HMCN1: variants seen among roughly 807,000 people sequenced by gnomAD.
HMCN1 encodes the protein hemicentin 1, also known as hemicentin-1.
A neutral mutation model predicts 625.9 loss-of-function variants in HMCN1; 321 were observed. The observed-to-expected ratio is 0.51, with a 90% CI of 0.47 to 0.56. The LOEUF (loss-of-function observed/expected upper bound fraction) is 0.56. Among genes scored for constraint, HMCN1 ranks in the 20% least tolerant of loss-of-function variants. The pLI, the probability that HMCN1 is intolerant of heterozygous loss-of-function variation, is 0.00. For missense variants in HMCN1, 6,588 were observed against 6,887.3 expected (o/e 0.96, Z 1.54); for synonymous variants, 2,425 against 2,417.6 (o/e 1.00, Z -0.09).
intron 12 of HMCN1, 32 bp downstream of exon 12, chr1:185,962,691 TTGAG>T (rs757528784): frequency 9.7e-6 from 13 of 1,341,268 alleles, no homozygotes; most frequent in African/African-American, 4.3e-5. Context: ...TTTGTTTTTA[TTGAG>T]TGAGAAAAAT....
At chr1:185,977,576 G>T (rs1034606945) in intron 15 of HMCN1, among the ~76,000 whole-genome samples, 4 of 152,056 alleles carry the variant, frequency 2.6e-5, no homozygotes, top group African/African-American at 9.7e-5. Flanking sequence ...TAAGGAAATG[G>T]TTGGGCTTCT....
chr1:185,810,597 GTT>G (rs1348480474), intron 1 of HMCN1, among the ~76,000 whole-genome samples: 2 of 151,912 alleles, frequency 1.3e-5, no homozygotes, highest in African/African-American at 4.8e-5. Flanking sequence ...CCCACAATCA[GTT>G]TATGTACAAC....
chr1:186,114,133 C>T lies in HMCN1; in HGVS notation c.11276+10C>T. 1 of 1,613,908 alleles carries T rather than the reference C, an allele frequency of 6.2e-7. No individual in the cohort carries two copies. The highest frequency in any genetic ancestry group is 1.1e-5 in the South Asian group (1 of 91,078). On this transcript the variant is annotated intron_variant, in intron 73 of 106. Coordinates refer to ENST00000271588, the MANE Select transcript of HMCN1 (RefSeq NM_031935.3). ...CTGGGAATCATGCAAGGTAACCATA[C>T]TGGAAAATTAAAAAATGCTATAAGA...
chr1:186,080,123 C>T (rs973049471), intron 55 of HMCN1, among the ~76,000 whole-genome samples: 3 of 152,180 alleles, frequency 2.0e-5, no homozygotes, highest in Admixed American at 1.3e-4. Context: ...TCAAATTATA[C>T]ATTTTATATT....
chr1:185,935,203 A>G (rs541647129), intron 11 of HMCN1, among the ~76,000 whole-genome samples: 1 of 151,658 alleles, frequency 6.6e-6, no homozygotes, highest in Non-Finnish European at 1.5e-5. Flanking sequence ...ATAAAATCAG[A>G]GCCTTCCTTG....
At chr1:185,968,349 C>G (rs72718867) in intron 14 of HMCN1, among the ~76,000 whole-genome samples, 6,103 of 152,036 alleles carry the variant, frequency 0.04, 272 homozygotes, top group African/African-American at 0.11. Context: ...CACTGCCACT[C>G]TTCTCACTAA....
At chr1:185,775,355 A>G (rs1475251569) in intron 1 of HMCN1, among the ~76,000 whole-genome samples, 1 of 152,182 alleles carries the variant, frequency 6.6e-6, no homozygotes, top group African/African-American at 2.4e-5. Context: ...GTGTGCTATA[A>G]TCATGCCTGT....
chr1:185,949,277 G>GA (rs1668515745), intron 11 of HMCN1, among the ~76,000 whole-genome samples: 1 of 151,772 alleles, frequency 6.6e-6, no homozygotes, highest in South Asian at 2.1e-4. Context: ...AGTATGACTA[G>GA]ACAGAAGATA....
intron 1 of HMCN1, among the ~76,000 whole-genome samples, chr1:185,753,008 T>C (rs1654915658): frequency 6.6e-6 from 1 of 152,004 alleles, no homozygotes; most frequent in Non-Finnish European, 1.5e-5. Flanking sequence ...TTTATCCCAA[T>C]AATAAAAAGA....
intron 21 of HMCN1, among the ~76,000 whole-genome samples, 173 bp downstream of exon 21, chr1:185,989,820 C>A (rs189295285): frequency 6.7e-6 from 1 of 148,978 alleles, no homozygotes; most frequent in Admixed American, 6.7e-5. Context: ...TACTGCCAAC[C>A]AAAATCACTT....
intron 11 of HMCN1, among the ~76,000 whole-genome samples, chr1:185,945,583 C>T (rs1375257655): frequency 1.3e-5 from 2 of 152,088 alleles, no homozygotes; most frequent in East Asian, 1.9e-4. Context: ...AGGGTGCTAC[C>T]GGAGCTTTTA....
intron 1 of HMCN1, among the ~76,000 whole-genome samples, chr1:185,756,493 G>GA (rs1443803531): frequency 6.8e-6 from 1 of 147,466 alleles, no homozygotes; most frequent in Non-Finnish European, 1.5e-5. Flanking sequence ...AAAAAAAAAA[G>GA]AAAAAGAAAA....
At chr1:185,895,262 G>A (rs1415614335) in intron 4 of HMCN1, among the ~76,000 whole-genome samples, 1 of 152,124 alleles carries the variant, frequency 6.6e-6, no homozygotes, top group African/African-American at 2.4e-5. Context: ...AATCCCTAAT[G>A]AATTAATAGT....
chr1:186,069,730 G>A lies in HMCN1; in HGVS notation c.7947G>A (p.Thr2649=), dbSNP rs143305691. 6.2e-6 allele frequency: 10 copies of A among 1,613,350 alleles called. No individual in the cohort carries two copies. Among genetic ancestry groups the A allele is most frequent in the African/African-American group, 4.0e-5 (3 of 74,904 alleles). ...CTGGAAGATACTCTTGTGTAGCCAC[G>A]AATGAGGCTGGAGAAATGATAAAGC... ...DNAGRYSCVA[T]NEAGEMIKHY... Residue 2649 remains threonine (T), a synonymous_variant, in exon 51 of 107, where the codon ACG becomes ACA. Transcript: ENST00000271588.
chr1:185,801,288 A>G (rs1006220505), intron 1 of HMCN1, among the ~76,000 whole-genome samples: 7 of 152,218 alleles, frequency 4.6e-5, no homozygotes, highest in Non-Finnish European at 1.0e-4. Context: ...GTGTGCTAAG[A>G]AAAATAAGTG....
In HMCN1 at chr1:186,018,315, T is replaced by C. The variant is rs1214508192; in HGVS notation, c.5433T>C (p.Ala1811=). ...ATCGGTGCATGGCAGCAAATACTGCTGGAGACCACAAGAAGGAATTTGAAG... is the reference window on the plus strand; with the variant it reads ...ATCGGTGCATGGCAGCAAATACTGCCGGAGACCACAAGAAGGAATTTGAAG... The part of the protein sequence containing the change: ...GLYRCMAANT[A]GDHKKEFEVT... Residue 1811 remains alanine, a synonymous_variant, in exon 34 of 107, where the codon GCT becomes GCC. Transcript: ENST00000271588. 1 of 1,612,944 alleles carries C rather than the reference T, an allele frequency of 6.2e-7. No individual in the cohort carries two copies. The highest frequency in any genetic ancestry group is 8.5e-7 in the Non-Finnish European group (1 of 1,179,144).
chr1:185,822,890 TTTAGAAAAC>T (rs1205506460), intron 1 of HMCN1, among the ~76,000 whole-genome samples: 2 of 152,052 alleles, frequency 1.3e-5, no homozygotes, highest in Non-Finnish European at 2.9e-5. Context: ...TGATGCTCCT[TTTAGAAAAC>T]TTAGAAACTA....
chr1:186,097,204 C>T (rs760448337), intron 68 of HMCN1, among the ~76,000 whole-genome samples: 13 of 151,992 alleles, frequency 8.6e-5, no homozygotes, highest in Non-Finnish European at 1.5e-4. Context: ...TAAAAATCAC[C>T]GTACAAAAAT....
In HMCN1 at chr1:185,928,541, T is replaced by G; in HGVS notation, c.1431-5T>G. 6.2e-7 allele frequency: 1 copy of G among 1,612,390 alleles called. No individual in the cohort carries two copies. The highest frequency in any genetic ancestry group is 2.2e-5 in the East Asian group (1 of 44,820). ...ACTAAAAGTTTTCCATTTTCTTACCTCCAGAGAATCTGCCAGTGTGAACTT... is the reference window on the plus strand; with the variant it reads ...ACTAAAAGTTTTCCATTTTCTTACCGCCAGAGAATCTGCCAGTGTGAACTT... On this transcript the variant is annotated splice_region_variant and splice_polypyrimidine_tract_variant and intron_variant, in intron 9 of 106. Transcript: ENST00000271588.
Sources: allele counts gnomAD v4.1 joint callset (sites outside exome capture counted in the v4.1 genomes callset), GRCh38; gene constraint gnomAD v4.1.1; transcripts MANE v1.5; gene names NCBI Gene and HGNC (gene_info 2026-07-23, HGNC 2026-07-21).